The following SLC12A2 variants were observed in gnomAD, a reference collection of about 807,000 sequenced individuals.
The protein encoded by SLC12A2 is Na-K-2Cl cotransporter 1.
A neutral mutation model predicts 136.3 loss-of-function variants in SLC12A2; 67 were observed. The observed-to-expected ratio is 0.49, with a 90% CI of 0.40 to 0.60. SLC12A2 has a LOEUF of 0.60. Ranked by LOEUF, SLC12A2 falls within the 20% of genes least tolerant of loss-of-function variation. SLC12A2 has a pLI of 0.00. For missense variants in SLC12A2, 1,322 were observed against 1,534.7 expected, an observed-to-expected ratio of 0.86 and a Z score of 2.32; for synonymous variants, 619 against 562.9, an observed-to-expected ratio of 1.10 and a Z score of -1.41.
rs966799095 is a variant in SLC12A2 at position 128,189,397 on chromosome 5, ATATT to A, written c.*2772_*2775del. 4 of 152,298 alleles carry A rather than the reference ATATT, an allele frequency of 2.6e-5. No homozygotes were observed. Among genetic ancestry groups the A allele is most frequent in the African/African-American group, 4.8e-5 (2 of 41,560 alleles). 9.4% of individuals were successfully genotyped at this position (152,298 alleles called of 1,614,324 possible). ...GATTATTAACAGTTACTGAAATCAAATATTTATTTGTTACATTATTCCATTTGTA... is the reference window on the plus strand; with the variant it reads ...GATTATTAACAGTTACTGAAATCAAATATTTGTTACATTATTCCATTTGTA... On this transcript the variant is annotated 3_prime_UTR_variant, in exon 27 of 27. Coordinates refer to ENST00000262461, the MANE Select transcript of SLC12A2 (RefSeq NM_001046.3).
intron 1 of SLC12A2, among the ~76,000 whole-genome samples, chr5:128,098,072 T>C (rs1478073019): frequency 6.6e-6 from 1 of 152,124 alleles, no homozygotes; most frequent in Non-Finnish European, 1.5e-5. Flanking sequence ...ATGTTATTTT[T>C]CTCATTGCTT....
chr5:128,113,989 C>T (rs1249957674), intron 2 of SLC12A2, among the ~76,000 whole-genome samples: 2 of 152,120 alleles, frequency 1.3e-5, no homozygotes, highest in Non-Finnish European at 2.9e-5. Context: ...TATTTTCATA[C>T]ACACTTTTAT....
intron 4 of SLC12A2, among the ~76,000 whole-genome samples, chr5:128,126,586 G>A (rs1373158265): frequency 6.6e-6 from 1 of 152,134 alleles, no homozygotes; most frequent in Non-Finnish European, 1.5e-5. Context: ...GTTTGTTGCA[G>A]CACTGTTCAC....
chr5:128,109,557 A>G, intron 1 of SLC12A2: 1 of 693,152 alleles, frequency 1.4e-6, no homozygotes, highest in Non-Finnish European at 2.7e-6. Context: ...GGAGAAAGGC[A>G]GCTGAGTCCG....
At chr5:128,147,770 T>G (rs1273365353) in intron 11 of SLC12A2, 41 bp downstream of exon 11, 23 of 1,196,616 alleles carry the variant, frequency 1.9e-5, no homozygotes, top group Non-Finnish European at 2.9e-5. Flanking sequence ...AAGGGAGAGT[T>G]AAAGTAATAC....
At chr5:128,116,932 G>A (rs189735350) in intron 4 of SLC12A2, among the ~76,000 whole-genome samples, 69 of 152,188 alleles carry the variant, frequency 4.5e-4, no homozygotes, top group Non-Finnish European at 7.8e-4. Flanking sequence ...TATTTTCCAC[G>A]TGGGAGAAAC....
intron 1 of SLC12A2, among the ~76,000 whole-genome samples, chr5:128,106,210 T>TA (rs1191059158): frequency 6.6e-6 from 1 of 152,238 alleles, no homozygotes; most frequent in African/African-American, 2.4e-5. Flanking sequence ...TTCTACTTTT[T>TA]ATCCATTAGT....
At chr5:128,182,086 T>A (rs1763724558) in intron 23 of SLC12A2, among the ~76,000 whole-genome samples, 1 of 152,136 alleles carries the variant, frequency 6.6e-6, no homozygotes, top group African/African-American at 2.4e-5. Context: ...GCCACTTAAT[T>A]GATAGATCCT....
chr5:128,140,989 A>G (rs1190529925), intron 9 of SLC12A2, among the ~76,000 whole-genome samples: 1 of 149,968 alleles, frequency 6.7e-6, no homozygotes, highest in Non-Finnish European at 1.5e-5. Flanking sequence ...TTACCTCAAT[A>G]TATGATGAAA....
In SLC12A2 at chr5:128,148,748, C is replaced by A; in HGVS notation, c.1882-6C>A. On this transcript the variant is annotated splice_region_variant and splice_polypyrimidine_tract_variant and intron_variant, in intron 11 of 26. Coordinates refer to ENST00000262461, the MANE Select transcript of SLC12A2 (RefSeq NM_001046.3). Reference sequence around the variant, plus strand: ...TATGTTTCATTTTAATGTTTTCTTTCATTAGGCTCTATGTAAGGACAACAT... The same window carrying A: ...TATGTTTCATTTTAATGTTTTCTTTAATTAGGCTCTATGTAAGGACAACAT... The A allele has an allele frequency of 1.3e-6, 2 of 1,575,674 alleles. No homozygotes were observed. Among genetic ancestry groups the A allele is most frequent in the Non-Finnish European group, 8.6e-7 (1 of 1,166,912 alleles).
At chr5:128,185,279 G>C (rs1230883421) in intron 26 of SLC12A2, among the ~76,000 whole-genome samples, 1 of 152,040 alleles carries the variant, frequency 6.6e-6, no homozygotes. Context: ...TTCCTATCTG[G>C]ATCCCCATTC....
intron 22 of SLC12A2, among the ~76,000 whole-genome samples, chr5:128,178,906 C>A (rs542080704): frequency 6.6e-6 from 1 of 152,282 alleles, no homozygotes; most frequent in South Asian, 2.1e-4. Flanking sequence ...CCTTGAGCTT[C>A]ATGACCTTAA....
intron 1 of SLC12A2, among the ~76,000 whole-genome samples, chr5:128,098,011 A>G (rs189882161): frequency 1.4e-4 from 22 of 152,112 alleles, no homozygotes; most frequent in Non-Finnish European, 2.9e-4. Flanking sequence ...TGCCATTTCA[A>G]TGTCTTCTGG....
intron 16 of SLC12A2, among the ~76,000 whole-genome samples, chr5:128,160,432 A>G (rs1763002055): frequency 6.6e-6 from 1 of 152,114 alleles, no homozygotes; most frequent in African/African-American, 2.4e-5. Context: ...GGGAACATTT[A>G]CTTACCAGAA....
chr5:128,103,306 TC>T (rs1436886354), intron 1 of SLC12A2, among the ~76,000 whole-genome samples: 1 of 152,214 alleles, frequency 6.6e-6, no homozygotes, highest in East Asian at 1.9e-4. Flanking sequence ...TTCGCATATG[TC>T]GGAACTGAGG....
intron 23 of SLC12A2, among the ~76,000 whole-genome samples, chr5:128,181,629 T>C (rs759239304): frequency 2.0e-5 from 3 of 152,166 alleles, no homozygotes; most frequent in Non-Finnish European, 4.4e-5. Flanking sequence ...ATGATTCCTC[T>C]ACCCAAAATA....
chr5:128,183,230 C>T (rs1210035147), intron 24 of SLC12A2, among the ~76,000 whole-genome samples: 1 of 152,022 alleles, frequency 6.6e-6, no homozygotes, highest in Non-Finnish European at 1.5e-5. Context: ...AGTCCCTGCT[C>T]TACATACCTA....
intron 1 of SLC12A2, among the ~76,000 whole-genome samples, chr5:128,097,621 A>G (rs1032980588): frequency 4.0e-5 from 6 of 151,760 alleles, no homozygotes; most frequent in African/African-American, 1.5e-4. Flanking sequence ...ATTATTTTTT[A>G]GTGGTTACTT....
Position 128,161,693 on chromosome 5 carries a change from A to G in SLC12A2, c.2509A>G (p.Ile837Val), listed in dbSNP as rs757795690. The change falls in exon 17 of 27, where the codon ATC (isoleucine) becomes GTC (valine). Residue 837 changes from isoleucine to valine, a missense_variant. Physicochemically the swap from Ile to Val is conservative, Grantham distance 29. This residue lies in a region of SLC12A2 where 294 missense variants were observed against 436.6 expected (regional missense o/e 0.67). Transcript: ENST00000262461. The stretch of plus-strand genomic sequence containing the variant: ...AAGACAAGCCATGAAAGAGATGTCC[A>G]TCGATCAAGCCAAATATCAGCGATG... ...PRRQAMKEMS[I>V]DQAKYQRWLI... 1.1e-5 allele frequency: 16 copies of G among 1,489,798 alleles called. No homozygotes were observed. The African/African-American group carries it at 1.9e-4, about 17-fold the overall frequency. The allele number at this position is 1,489,798 out of a possible 1,614,324, so 92.3% of individuals were successfully genotyped here.
Sources: gnomAD v4.1 joint callset for allele counts (sites outside exome capture counted in the v4.1 genomes callset) on GRCh38, gnomAD v4.1.1 for gene constraint, gnomAD v4.1.1 regional missense constraint, MANE v1.5 for transcripts, NCBI Gene and HGNC (gene_info 2026-07-23, HGNC 2026-07-21) for gene names.